Variants in CLASP1 observed in about 807,000 individuals in gnomAD.
CLASP1 encodes CLIP-associating protein 1.
A neutral mutation model predicts 192.3 loss-of-function variants in CLASP1; 38 were observed. That is an observed-to-expected ratio of 0.20 (90% CI 0.15 to 0.26). The LOEUF is 0.26. CLASP1 is among the 10% of genes least tolerant of loss of function. The pLI is 1.00. For synonymous variants in CLASP1, 691 were observed against 712.8 expected (o/e 0.97, Z 0.49); for missense variants, 1,433 against 1,932.5 (o/e 0.74, Z 4.85).
intron 1 of CLASP1, among the ~76,000 whole-genome samples, chr2:121,636,461 C>T (rs57877936): frequency 0.015 from 2,227 of 151,046 alleles, 45 homozygotes; most frequent in African/African-American, 0.047. Context: ...GTCAGGAGTT[C>T]GACACCAGAC....
chr2:121,358,044 A>G (rs148491617), intron 37 of CLASP1, among the ~76,000 whole-genome samples: 95 of 152,358 alleles, frequency 6.2e-4, no homozygotes, highest in Middle Eastern at 3.4e-3. Context: ...GACCTTGAAG[A>G]CTACAGTACA....
At chr2:121,522,564 C>T (rs10193663) in intron 6 of CLASP1, among the ~76,000 whole-genome samples, 38,358 of 152,180 alleles carry the variant, frequency 0.25, 7,715 homozygotes, top group African/African-American at 0.56. Flanking sequence ...CTTCATAAAT[C>T]ATTTTTAAAA....
At chr2:121,383,762 C>T (rs2072353423) in intron 32 of CLASP1, among the ~76,000 whole-genome samples, 1 of 151,524 alleles carries the variant, frequency 6.6e-6, no homozygotes, top group Non-Finnish European at 1.5e-5. Context: ...TTTTCATTTA[C>T]CGTAAAATCA....
rs1013966896 is a variant in CLASP1, at chr2:121,463,733, G to C, written c.866-1128C>G. Among the ~76,000 whole-genome samples, 10 of 152,300 alleles carry C rather than the reference G, an allele frequency of 6.6e-5. No homozygotes were observed. In the South Asian group the frequency reaches 8.3e-4, roughly 13 times the overall value. On this transcript the variant is annotated intron_variant, in intron 9 of 39. Coordinates refer to ENST00000263710, the Ensembl canonical transcript of CLASP1. The stretch of plus-strand genomic sequence containing the variant: ...ATGCAAAAAGGATAAGTGCAGGGCT[G>C]AAGGGGAAAACTGGGCTGATATGTG...
intron 2 of CLASP1, among the ~76,000 whole-genome samples, chr2:121,598,849 G>C (rs767512894): frequency 6.6e-6 from 1 of 152,064 alleles, no homozygotes. Flanking sequence ...TCCAGCCAAC[G>C]TTTTTATTTT....
intron 23 of CLASP1, among the ~76,000 whole-genome samples, chr2:121,411,258 T>C (rs1159387707): frequency 1.3e-5 from 2 of 152,260 alleles, no homozygotes; most frequent in South Asian, 4.1e-4. Flanking sequence ...GTAGCTAGGC[T>C]ATGAGTTGAG....
rs2069326855 is a variant in CLASP1 at position 121,630,471 on chromosome 2, C to G, written c.-286+18901G>C. 4.6e-5 allele frequency among the ~76,000 whole-genome samples: 7 copies of G among 151,586 alleles called. No homozygotes were observed. The South Asian group carries it at 1.5e-3, about 32-fold the overall frequency. On this transcript the variant is annotated intron_variant, in intron 1 of 39. Transcript: ENST00000263710. Reference sequence around the variant, plus strand: ...AATCTTCTGTATCTAGTACCCATCTCTAGAAGGCAGTATTGGTAACATCTA... The same window carrying G: ...AATCTTCTGTATCTAGTACCCATCTGTAGAAGGCAGTATTGGTAACATCTA...
At chr2:121,409,389 G>A (rs755247388) in intron 24 of CLASP1, among the ~76,000 whole-genome samples, 5 of 152,118 alleles carry the variant, frequency 3.3e-5, no homozygotes, top group Admixed American at 6.6e-5. Flanking sequence ...TGTCTATTCA[G>A]CGAGGCAAAG....
chr2:121,386,183 A>T (rs2073153428), intron 32 of CLASP1, among the ~76,000 whole-genome samples: 1 of 152,212 alleles, frequency 6.6e-6, no homozygotes, highest in Non-Finnish European at 1.5e-5. Flanking sequence ...ATGTAAAAGC[A>T]ATTATGTTTT....
At chr2:121,561,871 G>A (rs2059119208) in intron 2 of CLASP1, among the ~76,000 whole-genome samples, 1 of 152,168 alleles carries the variant, frequency 6.6e-6, no homozygotes, top group Non-Finnish European at 1.5e-5. Flanking sequence ...ACCTTTGAGT[G>A]GCTTATCTAC....
chr2:121,635,578 G>T (rs958419868), intron 1 of CLASP1, among the ~76,000 whole-genome samples: 2 of 152,168 alleles, frequency 1.3e-5, no homozygotes, highest in Non-Finnish European at 2.9e-5. Context: ...TCCCCAGAGA[G>T]GTCTGATCTC....
intron 7 of CLASP1, among the ~76,000 whole-genome samples, chr2:121,510,283 A>T (rs896594817): frequency 6.6e-6 from 1 of 152,206 alleles, no homozygotes; most frequent in African/African-American, 2.4e-5. Context: ...GAAAAGGCAA[A>T]AACTGACAAA....
chr2:121,472,755 A>G (rs1395172620), intron 8 of CLASP1, among the ~76,000 whole-genome samples: 1 of 137,932 alleles, frequency 7.2e-6, no homozygotes, highest in African/African-American at 3.6e-5. Context: ...AAAAATTCTT[A>G]GAGTTTACAC....
intron 2 of CLASP1, among the ~76,000 whole-genome samples, chr2:121,548,055 T>C (rs569518427): frequency 1.3e-5 from 2 of 152,338 alleles, no homozygotes; most frequent in East Asian, 3.9e-4. Context: ...ACAAGAGTTC[T>C]TAACCAGGCT....
rs1055184987 is a variant in CLASP1 at position 121,530,212 on chromosome 2, G to A, written c.274+35C>T. The A allele has an allele frequency of 7.8e-6, 12 of 1,532,000 alleles. No homozygotes were observed. In the Admixed American group the frequency reaches 8.0e-5, roughly 10 times the overall value. 94.9% of individuals were successfully genotyped at this position (1,532,000 alleles called of 1,614,324 possible). ...GCCGAGGGAAGGCTGGGGGTCTGAA[G>A]GGGCCGGGTCCGCTCCACAAGTGCC... is the stretch of plus-strand genomic sequence containing the variant. On this transcript the variant is annotated intron_variant, in intron 3 of 39. Coordinates refer to ENST00000263710, the Ensembl canonical transcript of CLASP1.
At chr2:121,511,601 AAGAG>A (rs1032891733) in intron 7 of CLASP1, among the ~76,000 whole-genome samples, 100 of 149,782 alleles carry the variant, frequency 6.7e-4, no homozygotes, top group Non-Finnish European at 1.1e-3. Flanking sequence ...AAAAAAAAAA[AAGAG>A]AGAGAGAGAG....
At chr2:121,572,224 C>A (rs1397137954) in intron 2 of CLASP1, among the ~76,000 whole-genome samples, 2 of 151,980 alleles carry the variant, frequency 1.3e-5, no homozygotes, top group Admixed American at 6.6e-5. Context: ...ATCAGGAGAT[C>A]GAGACGATCC....
At position 121,354,046 on chromosome 2, in the gene CLASP1, T is replaced by C. The variant is rs114448396; in HGVS notation, c.4207-5328A>G. Among the ~76,000 whole-genome samples, 1,063 of 152,318 alleles carry C rather than the reference T, an allele frequency of 7.0e-3. 9 individuals are homozygous for C. Among genetic ancestry groups the C allele is most frequent in the Middle Eastern group, 0.061 (18 of 294 alleles). ...TGCCCACCTCAGCCTCCCAAAATGCTGGGATTACAAGCATGAACCACTACA... is the reference window on the plus strand; with the variant it reads ...TGCCCACCTCAGCCTCCCAAAATGCCGGGATTACAAGCATGAACCACTACA... On this transcript the variant is annotated intron_variant, in intron 37 of 39. Transcript: ENST00000263710.
At chr2:121,528,455 T>C (rs2094639597) in intron 4 of CLASP1, among the ~76,000 whole-genome samples, 1 of 152,210 alleles carries the variant, frequency 6.6e-6, no homozygotes, top group South Asian at 2.1e-4. Context: ...TTAGATTCAA[T>C]ACCCCCATGT....
Sources: gnomAD v4.1 joint callset for allele counts (sites outside exome capture counted in the v4.1 genomes callset) on GRCh38, gnomAD v4.1.1 for gene constraint, MANE v1.5 for transcripts, NCBI Gene and HGNC (gene_info 2026-07-23, HGNC 2026-07-21) for gene names.